CPLX2: variants seen among roughly 807,000 people sequenced by gnomAD.
CPLX2 encodes the protein complexin 2.
CPLX2 carries 5 observed loss-of-function variants against 16.3 expected under a neutral mutation model. The ratio of observed to expected loss-of-function variants is 0.31; its 90% CI spans 0.16 to 0.64. The LOEUF is 0.64. Ranked by LOEUF, CPLX2 falls within the 30% of genes least tolerant of loss-of-function variation. The pLI is 0.79. For missense variants in CPLX2, 144 were observed against 181.4 expected (o/e 0.79, Z 1.18); for synonymous variants, 89 against 73.2 (o/e 1.22, Z -1.10).
intron 2 of CPLX2, among the ~76,000 whole-genome samples, chr5:175,842,898 T>C (rs1241021874): frequency 6.6e-6 from 1 of 152,164 alleles, no homozygotes; most frequent in Admixed American, 6.5e-5. Flanking sequence ...CCGGCACCCA[T>C]GCTCTGAAGA....
chr5:175,879,542 G>A (rs1176953883), intron 3 of CPLX2, among the ~76,000 whole-genome samples: 1 of 152,200 alleles, frequency 6.6e-6, no homozygotes, highest in African/African-American at 2.4e-5. Context: ...AGTCAGATTC[G>A]TCACCAAAAT....
chr5:175,798,642 G>A (rs1323592675), intron 1 of CPLX2, among the ~76,000 whole-genome samples: 1 of 152,178 alleles, frequency 6.6e-6, no homozygotes, highest in Non-Finnish European at 1.5e-5. Flanking sequence ...AGATGAGAGT[G>A]GAGAGAAAGG....
At position 175,881,325 on chromosome 5, in the gene CPLX2, T is replaced by A. The variant is rs950270201; in HGVS notation, c.*1280T>A. 4 of 153,468 alleles carry A rather than the reference T, an allele frequency of 2.6e-5. No individual in the cohort carries two copies. The highest frequency in any genetic ancestry group is 9.6e-5 in the African/African-American group (4 of 41,460). The allele number at this position is 153,468 out of a possible 1,614,324, so 9.5% of individuals were successfully genotyped here. A position where few individuals can be genotyped will look rare whatever the true frequency, so the allele number is the denominator to read the frequency against. On this transcript the variant is annotated 3_prime_UTR_variant, in exon 4 of 4. Coordinates refer to ENST00000393745, the MANE Select transcript of CPLX2 (RefSeq NM_001008220.2). ...GTGTTGCAGTCATCATATCTATGTG[T>A]TACAGATTGTGTATGTTAGCCTTGT...
chr5:175,812,969 C>T (rs1398268528), intron 2 of CPLX2, among the ~76,000 whole-genome samples: 1 of 152,196 alleles, frequency 6.6e-6, no homozygotes, highest in Non-Finnish European at 1.5e-5. Flanking sequence ...GTCCAGATCT[C>T]AGCTCCATCC....
chr5:175,800,866 G>T (rs1758080561), intron 1 of CPLX2, among the ~76,000 whole-genome samples: 1 of 152,230 alleles, frequency 6.6e-6, no homozygotes, highest in African/African-American at 2.4e-5. Context: ...GACAGAGAAG[G>T]CCTGTGTGAA....
chr5:175,878,771 G>A lies in CPLX2; in HGVS notation c.31+1G>A. On this transcript the variant is annotated splice_donor_variant, in intron 2 of 3. Transcript: ENST00000393745. LOFTEE classifies it high-confidence loss of function. ...TTCGTCATGAAGCAGGCCCTTGGAG[G>A]TGAGGTCCAGCGCCCCTCCGCGTGT... 1 of 1,613,402 alleles carries A rather than the reference G, an allele frequency of 6.2e-7. No homozygotes were observed. Among genetic ancestry groups the A allele is most frequent in the Non-Finnish European group, 8.5e-7 (1 of 1,179,862 alleles).
intron 2 of CPLX2, among the ~76,000 whole-genome samples, chr5:175,864,954 C>T (rs7705543): frequency 0.51 from 78,263 of 152,016 alleles, 22,329 homozygotes; most frequent in East Asian, 0.8. Context: ...GTTTCCCCAT[C>T]CGTAAACTGA....
chr5:175,813,671 G>A (rs1758353652), intron 2 of CPLX2, among the ~76,000 whole-genome samples: 1 of 152,246 alleles, frequency 6.6e-6, no homozygotes, highest in South Asian at 2.1e-4. Context: ...GGCTGCTGAG[G>A]TAGCATCTCC....
intron 2 of CPLX2, among the ~76,000 whole-genome samples, chr5:175,832,663 C>A (rs1581081854): frequency 1.3e-5 from 2 of 152,270 alleles, no homozygotes; most frequent in African/African-American, 4.8e-5. Flanking sequence ...TCTTCCAAAC[C>A]CAGCAGGTTT....
intron 2 of CPLX2, among the ~76,000 whole-genome samples, chr5:175,817,563 C>T (rs1328878654): frequency 3.3e-5 from 5 of 152,168 alleles, no homozygotes; most frequent in Non-Finnish European, 7.3e-5. Context: ...CTTCCTACTG[C>T]CCCCCTCGCC....
intron 1 of CPLX2, among the ~76,000 whole-genome samples, chr5:175,875,579 A>T (rs979024222): frequency 1.3e-5 from 2 of 152,210 alleles, no homozygotes; most frequent in Admixed American, 1.3e-4. Flanking sequence ...TCACTATTGC[A>T]CAGCTTAAAA....
At chr5:175,871,429 G>GAGAC (rs1561790309), upstream of CPLX2, 3 of 91,308 alleles carry the variant, frequency 3.3e-5, no homozygotes, top group African/African-American at 8.0e-5. Context: ...GAGAGAGAGA[G>GAGAC]AGACAGAGAG....
At chr5:175,860,009 A>T (rs1759331614) in intron 2 of CPLX2, among the ~76,000 whole-genome samples, 1 of 152,216 alleles carries the variant, frequency 6.6e-6, no homozygotes, top group Admixed American at 6.5e-5. Context: ...CATAACTGAA[A>T]AGTGCATGAG....
At chr5:175,835,408 A>C (rs1758810752) in intron 2 of CPLX2, among the ~76,000 whole-genome samples, 1 of 152,234 alleles carries the variant, frequency 6.6e-6, no homozygotes, top group Non-Finnish European at 1.5e-5. Context: ...CCAATTCTAC[A>C]CAAAATATTT....
chr5:175,811,890 T>C (rs190097305), intron 2 of CPLX2, among the ~76,000 whole-genome samples: 14 of 152,364 alleles, frequency 9.2e-5, no homozygotes, highest in African/African-American at 3.4e-4. Flanking sequence ...TTCATATTTT[T>C]AAGGCAATAG....
chr5:175,814,310 G>C (rs1404647853), intron 2 of CPLX2, among the ~76,000 whole-genome samples: 4 of 152,248 alleles, frequency 2.6e-5, no homozygotes, highest in African/African-American at 9.6e-5. Flanking sequence ...CCTCCTGCCT[G>C]AGCCGGGAGT....
intron 2 of CPLX2, among the ~76,000 whole-genome samples, chr5:175,865,244 A>G (rs1370429024): frequency 6.6e-6 from 1 of 152,238 alleles, no homozygotes; most frequent in Non-Finnish European, 1.5e-5. Context: ...TTAACAAGAC[A>G]GCAATAATGT....
At chr5:175,874,311 C>T (rs1366099378) in intron 1 of CPLX2, among the ~76,000 whole-genome samples, 1 of 152,160 alleles carries the variant, frequency 6.6e-6, no homozygotes, top group Non-Finnish European at 1.5e-5. Flanking sequence ...AGCGTCTGGA[C>T]TTCTCCCTGG....
chr5:175,805,055 T>C (rs775246314), intron 1 of CPLX2, among the ~76,000 whole-genome samples: 4 of 152,194 alleles, frequency 2.6e-5, no homozygotes, highest in Non-Finnish European at 5.9e-5. Context: ...CTCAGCACAA[T>C]GCTTGGCACA....
Sources: allele counts gnomAD v4.1 joint callset (sites outside exome capture counted in the v4.1 genomes callset), GRCh38; gene constraint gnomAD v4.1.1; transcripts MANE v1.5; gene names NCBI Gene and HGNC (gene_info 2026-07-23, HGNC 2026-07-21).